SGCD: variants seen among roughly 807,000 people sequenced by gnomAD.
SGCD encodes the protein delta-sarcoglycan.
A neutral mutation model predicts 36.6 loss-of-function variants in SGCD; 18 were observed. The ratio of observed to expected loss-of-function variants is 0.49; its 90% CI spans 0.34 to 0.73. SGCD has a LOEUF of 0.73. SGCD is among the 30% of genes least tolerant of loss of function. SGCD has a pLI of 0.01. For synonymous variants in SGCD, 133 were observed against 130.6 expected (o/e 1.02, Z -0.12); for missense variants, 387 against 346.7 (o/e 1.12, Z -0.92).
chr5:155,995,711 T>G (rs898944471), intron 1 of SGCD, among the ~76,000 whole-genome samples: 2 of 152,226 alleles, frequency 1.3e-5, no homozygotes, highest in African/African-American at 4.8e-5. Flanking sequence ...ACACACCACC[T>G]GAGTGAATCC....
rs187742997 is a variant in SGCD at position 156,050,597 on chromosome 5, A to G, written c.-281-67281A>G. On this transcript the variant is annotated intron_variant, in intron 1 of 9. Transcript: ENST00000517913. ...ATATAGCTCTCTTTAACCATAAACCATAGTTTCCTATGGCTGCTGTGGTAA... is the reference window on the plus strand; with the variant it reads ...ATATAGCTCTCTTTAACCATAAACCGTAGTTTCCTATGGCTGCTGTGGTAA... 7.6e-4 allele frequency among the ~76,000 whole-genome samples: 111 copies of G among 146,418 alleles called. 11 individuals are homozygous for G. In the Middle Eastern group the frequency reaches 0.011, roughly 14 times the overall value.
chr5:156,104,281 T>C (rs897290288), intron 1 of SGCD, among the ~76,000 whole-genome samples: 1 of 152,296 alleles, frequency 6.6e-6, no homozygotes, highest in East Asian at 1.9e-4. Flanking sequence ...AAGACAGTCT[T>C]ACTCTAATTG....
the SGCD span, among the ~76,000 whole-genome samples, chr5:155,743,549 T>C: frequency 0.012 from 1,855 of 152,308 alleles, 22 homozygotes; most frequent in Non-Finnish European, 0.018. Context: ...CCTGATTGCA[T>C]CACCTGAAAT....
the SGCD span, among the ~76,000 whole-genome samples, chr5:155,749,450 C>A: frequency 0.039 from 5,885 of 152,228 alleles, 363 homozygotes; most frequent in African/African-American, 0.13. Flanking sequence ...AGCAGAAACA[C>A]ATGTATATCC....
chr5:155,846,309 A>T, the SGCD span, among the ~76,000 whole-genome samples: 1 of 152,250 alleles, frequency 6.6e-6, no homozygotes, highest in African/African-American at 2.4e-5. Flanking sequence ...AGCTGGAGTC[A>T]TTCAAAAAGT....
rs562662356 is a variant in SGCD, at chr5:156,419,735, T to C, written c.192+75058T>C. ...AGAGAAAATAGACTGCCTTAATCCG[T>C]GTTTTTGATCTTTTACTGAACTATT... On this transcript the variant is annotated intron_variant, in intron 3 of 8. Coordinates refer to ENST00000337851, the MANE Select transcript of SGCD (RefSeq NM_000337.6). Among the ~76,000 whole-genome samples, 7 of 152,234 alleles carry C rather than the reference T, an allele frequency of 4.6e-5. No homozygotes were observed. In the East Asian group the frequency reaches 1.4e-3, roughly 29 times the overall value.
intron 3 of SGCD, among the ~76,000 whole-genome samples, chr5:156,446,241 T>A (rs1043616007): frequency 2.6e-5 from 4 of 152,166 alleles, no homozygotes; most frequent in Admixed American, 6.6e-5. Context: ...CAAAGATAAG[T>A]GTCCCCTATA....
intron 7 of SGCD, among the ~76,000 whole-genome samples, chr5:156,657,732 C>T (rs1259004559): frequency 4.6e-5 from 7 of 151,866 alleles, no homozygotes; most frequent in Admixed American, 3.3e-4. Context: ...CCCTACACAC[C>T]TGTGGGTGTT....
intron 4 of SGCD, among the ~76,000 whole-genome samples, chr5:156,574,081 G>A (rs887653632): frequency 1.3e-5 from 2 of 152,106 alleles, no homozygotes; most frequent in Middle Eastern, 3.4e-3. Flanking sequence ...TGCATATATC[G>A]TCTTCTCACA....
At chr5:156,325,848 C>G (rs760294092), upstream of SGCD, among the ~76,000 whole-genome samples, 1 of 152,140 alleles carries the variant, frequency 6.6e-6, no homozygotes, top group Non-Finnish European at 1.5e-5. Flanking sequence ...CCTCCCCACA[C>G]CGCCTCCCAC....
chr5:156,325,928 G>A (rs1329738276), upstream of SGCD, among the ~76,000 whole-genome samples: 1 of 151,994 alleles, frequency 6.6e-6, no homozygotes, highest in Non-Finnish European at 1.5e-5. Context: ...CTAAACTCAC[G>A]ACCCCACCGA....
At chr5:155,808,221 A>G in the SGCD span, among the ~76,000 whole-genome samples, 5 of 152,040 alleles carry the variant, frequency 3.3e-5, no homozygotes, top group African/African-American at 9.7e-5. Context: ...TGATTTATCC[A>G]TTTTTTTGCT....
chr5:156,073,207 A>G (rs192968724), intron 1 of SGCD, among the ~76,000 whole-genome samples: 5 of 152,288 alleles, frequency 3.3e-5, no homozygotes, highest in Admixed American at 3.3e-4. Context: ...GACGGAGTAG[A>G]TGCAAAGTTA....
chr5:156,409,474 A>G (rs1772622530), intron 3 of SGCD, among the ~76,000 whole-genome samples: 1 of 152,054 alleles, frequency 6.6e-6, no homozygotes, highest in Admixed American at 6.5e-5. Flanking sequence ...CATCACTTTT[A>G]TTTGCTCCAT....
intron 4 of SGCD, among the ~76,000 whole-genome samples, chr5:156,553,527 T>C (rs1270001040): frequency 6.6e-6 from 1 of 152,152 alleles, no homozygotes; most frequent in Non-Finnish European, 1.5e-5. Flanking sequence ...TCATATATTT[T>C]CTATTTTTTA....
chr5:156,264,730 A>G (rs886356103), intron 3 of SGCD, among the ~76,000 whole-genome samples: 18 of 152,148 alleles, frequency 1.2e-4, no homozygotes, highest in African/African-American at 4.3e-4. Flanking sequence ...TGAAACCACA[A>G]CAGTTTGGGC....
chr5:156,754,737 AGATT>A (rs1213617379), intron 7 of SGCD, among the ~76,000 whole-genome samples: 1 of 152,222 alleles, frequency 6.6e-6, no homozygotes, highest in Non-Finnish European at 1.5e-5. Flanking sequence ...TAGAAACACC[AGATT>A]GATAGGTTTT....
chr5:156,374,536 C>T (rs904038243), intron 3 of SGCD, among the ~76,000 whole-genome samples: 10 of 151,714 alleles, frequency 6.6e-5, no homozygotes, highest in Non-Finnish European at 1.2e-4. Context: ...TCAACCTATT[C>T]GTTGATGGAA....
At chr5:156,512,050 C>T (rs1186911389) in intron 4 of SGCD, among the ~76,000 whole-genome samples, 2 of 151,956 alleles carry the variant, frequency 1.3e-5, no homozygotes, top group African/African-American at 4.8e-5. Context: ...AAAAATTAGC[C>T]AGACACGGTG....
Sources: gnomAD v4.1 joint callset for allele counts (sites outside exome capture counted in the v4.1 genomes callset) on GRCh38, gnomAD v4.1.1 for gene constraint, MANE v1.5 for transcripts, NCBI Gene and HGNC (gene_info 2026-07-23, HGNC 2026-07-21) for gene names.